Variants in GTF2H5 observed in about 807,000 individuals in gnomAD.
GTF2H5 encodes the protein general transcription factor IIH subunit 5, also known as TFB5 ortholog.
Under a neutral mutation model 7.1 loss-of-function variants are expected in GTF2H5, and 5 were observed. The observed-to-expected ratio is 0.71, with a 90% CI of 0.37 to 1.49. The LOEUF (loss-of-function observed/expected upper bound fraction) is 1.49, where lower values mean the gene tolerates loss of function less well. GTF2H5 is among the 40% of genes most tolerant of loss of function. GTF2H5 has a pLI of 0.03. For missense variants in GTF2H5, 80 were observed against 83.0 expected, an observed-to-expected ratio of 0.96 and a Z score of 0.14; for synonymous variants, 30 against 31.7, an observed-to-expected ratio of 0.95 and a Z score of 0.18.
rs1777135960 is a variant in GTF2H5, at chr6:158,197,820, T to C, written c.*5663T>C. On this transcript the variant is annotated 3_prime_UTR_variant, in exon 3 of 3. Coordinates refer to ENST00000607778, the MANE Select transcript of GTF2H5 (RefSeq NM_207118.3). ...CTGATTTGGCTCCTTCTGACTTCTT[T>C]TTGTTTCCCAATCTTAAAAAAATCC... is the stretch of plus-strand genomic sequence containing the variant. 1 of 152,140 alleles carries C rather than the reference T, an allele frequency of 6.6e-6. No individual in the cohort carries two copies. Among genetic ancestry groups the C allele is most frequent in the Non-Finnish European group, 1.5e-5 (1 of 68,020 alleles). The allele number at this position is 152,140 out of a possible 1,614,324, so 9.4% of individuals were successfully genotyped here.
rs1333980807 is a variant in GTF2H5, at chr6:158,169,638, C to CAT, written c.-34-827_-34-826dup. Among the ~76,000 whole-genome samples the CAT allele has an allele frequency of 2.4e-3, 105 of 44,482 alleles. 11 individuals carry two copies. Among genetic ancestry groups the CAT allele is most frequent in the African/African-American group, 0.012 (101 of 8,728 alleles). The allele number at this position is 44,482 out of a possible 152,430, so 29.2% of individuals were successfully genotyped here. ...ATTACATATAATATATTGTATATTA[C>CAT]ATATATTGTATATTACATATAATAT... On this transcript the variant is annotated intron_variant, in intron 1 of 2. Coordinates refer to ENST00000607778, the MANE Select transcript of GTF2H5 (RefSeq NM_207118.3).
At chr6:158,190,849 C>T (rs1777014856) in intron 2 of GTF2H5, 1 of 457,736 alleles carries the variant, frequency 2.2e-6, no homozygotes, top group Non-Finnish European at 4.3e-6. Context: ...TTTTGCTAAA[C>T]ACATTGTGTA....
intron 2 of GTF2H5, among the ~76,000 whole-genome samples, chr6:158,173,575 G>A (rs529498179): frequency 5.3e-5 from 8 of 152,232 alleles, no homozygotes; most frequent in African/African-American, 1.9e-4. Context: ...TAGGTGTATT[G>A]GAGTATGGAA....
rs1777096847 is a variant in GTF2H5 at position 158,195,741 on chromosome 6, T to C, written c.*3584T>C. The C allele has an allele frequency of 6.6e-6, 1 of 152,204 alleles. No homozygotes were observed. Among genetic ancestry groups the C allele is most frequent in the Non-Finnish European group, 1.5e-5 (1 of 68,042 alleles). The allele number at this position is 152,204 out of a possible 1,614,324, so 9.4% of individuals were successfully genotyped here. ...TTAGCTGACAACTAGGAGTAAAAGC[T>C]CTGACAAAAAGCCTCTGCTGTAACT... On this transcript the variant is annotated 3_prime_UTR_variant, in exon 3 of 3. Coordinates refer to ENST00000607778, the MANE Select transcript of GTF2H5 (RefSeq NM_207118.3).
rs1420179405 is a variant in GTF2H5 at position 158,169,529 on chromosome 6, AGTATATTATATATAATATACT to A, written c.-34-921_-34-901del. 5.2e-3 allele frequency among the ~76,000 whole-genome samples: 287 copies of A among 55,670 alleles called. 13 individuals are homozygous for A. Among genetic ancestry groups the A allele is most frequent in the African/African-American group, 0.027 (257 of 9,498 alleles). The allele number at this position is 55,670 out of a possible 152,430, so 36.5% of individuals were successfully genotyped here. A position where few individuals can be genotyped will look rare whatever the true frequency, so the allele number is the denominator to read the frequency against. On this transcript the variant is annotated intron_variant, in intron 1 of 2. Coordinates refer to ENST00000607778, the MANE Select transcript of GTF2H5 (RefSeq NM_207118.3). ...ATATTGTATATTATATATAATATAC[AGTATATTATATATAATATACT>A]GTATATTATATATAATATATTGTAT...
At position 158,179,832 on chromosome 6, in the gene GTF2H5, T is replaced by C. The variant is rs138992518; in HGVS notation, c.35+9294T>C. ...TTCCTATCTGAATACCCTTTATTGC[T>C]TTCTCTTGCCTGATTGCCCTGTCCA... On this transcript the variant is annotated intron_variant, in intron 2 of 2. Coordinates refer to ENST00000607778, the MANE Select transcript of GTF2H5 (RefSeq NM_207118.3). 6.6e-3 allele frequency among the ~76,000 whole-genome samples: 1,002 copies of C among 152,280 alleles called. 8 individuals are homozygous for C. Among genetic ancestry groups the C allele is most frequent in the South Asian group, 0.012 (57 of 4,820 alleles).
At chr6:158,179,083 C>T (rs1785971488) in intron 2 of GTF2H5, among the ~76,000 whole-genome samples, 1 of 152,176 alleles carries the variant, frequency 6.6e-6, no homozygotes, top group Non-Finnish European at 1.5e-5. Flanking sequence ...GTTTTCCCGA[C>T]ACCATTTATT....
chr6:158,178,456 CAAAAAAA>C (rs34745319), intron 2 of GTF2H5, among the ~76,000 whole-genome samples: 14 of 88,518 alleles, frequency 1.6e-4, no homozygotes, highest in African/African-American at 4.7e-4. Context: ...GACTCCATCT[CAAAAAAA>C]AAAAAAAAAA....
chr6:158,177,275 A>G (rs764341202), intron 2 of GTF2H5, among the ~76,000 whole-genome samples: 6 of 152,228 alleles, frequency 3.9e-5, no homozygotes, highest in South Asian at 2.1e-4. Context: ...TAGTCCATCA[A>G]CTTTGCAGTG....
At chr6:158,171,873 G>C (rs187747120) in intron 2 of GTF2H5, among the ~76,000 whole-genome samples, 5 of 152,126 alleles carry the variant, frequency 3.3e-5, no homozygotes, top group African/African-American at 4.8e-5. Context: ...AAAAGCAAAG[G>C]GGGTGGGATC....
intron 2 of GTF2H5, among the ~76,000 whole-genome samples, chr6:158,185,378 A>G (rs1438458695): frequency 2.0e-5 from 3 of 151,922 alleles, no homozygotes; most frequent in Non-Finnish European, 4.4e-5. Context: ...CATTTCTACA[A>G]AAAATACAAA....
At chr6:158,185,116 C>T (rs1215275829) in intron 2 of GTF2H5, among the ~76,000 whole-genome samples, 3 of 147,462 alleles carry the variant, frequency 2.0e-5, no homozygotes, top group African/African-American at 2.5e-5. Flanking sequence ...CTTTGTGTTT[C>T]ATGACAAAAT....
At chr6:158,188,003 G>A (rs1319754114) in intron 2 of GTF2H5, among the ~76,000 whole-genome samples, 1 of 152,216 alleles carries the variant, frequency 6.6e-6, no homozygotes, top group African/African-American at 2.4e-5. Flanking sequence ...CCTTAGCCAA[G>A]GGGAGGGTCC....
rs121434365 is a variant in GTF2H5 at position 158,192,003 on chromosome 6, T to A, written c.62T>A (p.Leu21Gln). Reference protein sequence around the residue: ...ECDPAMKQFLLYLDESNALGK... With the variant: ...ECDPAMKQFLQYLDESNALGK... ...GATCCTGCCATGAAGCAGTTTCTGCTGTACTTGGATGAGTCCAATGCCCTG... is the reference window on the plus strand; with the variant it reads ...GATCCTGCCATGAAGCAGTTTCTGCAGTACTTGGATGAGTCCAATGCCCTG... Residue 21 changes from leucine to glutamine, a missense_variant, in exon 3 of 3, where the codon CTG becomes CAG. Transcript: ENST00000607778. The A allele has an allele frequency of 6.2e-7, 1 of 1,614,168 alleles. No individual in the cohort carries two copies. Among genetic ancestry groups the A allele is most frequent in the South Asian group, 1.1e-5 (1 of 91,080 alleles).
In GTF2H5 at chr6:158,192,993, G is replaced by A. The variant is rs1053555849; in HGVS notation, c.*836G>A. The A allele has an allele frequency of 6.7e-6, 1 of 150,046 alleles. No homozygotes were observed. Among genetic ancestry groups the A allele is most frequent in the Non-Finnish European group, 1.5e-5 (1 of 67,778 alleles). 9.3% of individuals were successfully genotyped at this position (150,046 alleles called of 1,614,324 possible). A position where few individuals can be genotyped will look rare whatever the true frequency, so the allele number is the denominator to read the frequency against. On this transcript the variant is annotated 3_prime_UTR_variant, in exon 3 of 3. Transcript: ENST00000607778. ...CAAACTTATCTAAAAAAGAAAAATA[G>A]GAACAGCCATATGCAAAGTCAGCCC...
intron 2 of GTF2H5, among the ~76,000 whole-genome samples, chr6:158,184,564 T>C (rs975676207): frequency 2.4e-4 from 37 of 152,210 alleles, no homozygotes; most frequent in African/African-American, 7.7e-4. Context: ...CCTATAATGT[T>C]CTGGGCTCTA....
intron 2 of GTF2H5, among the ~76,000 whole-genome samples, chr6:158,179,592 G>A (rs181266584): frequency 2.6e-4 from 39 of 152,172 alleles, no homozygotes; most frequent in Middle Eastern, 6.8e-3. Flanking sequence ...ATTTTATTCT[G>A]TTAGTAGCAA....
intron 2 of GTF2H5, among the ~76,000 whole-genome samples, chr6:158,185,229 A>G (rs1017717933): frequency 6.6e-6 from 1 of 151,692 alleles, no homozygotes; most frequent in African/African-American, 2.4e-5. Flanking sequence ...TGAAAATTCA[A>G]TCTCAAATTG....
At chr6:158,186,067 T>G (rs1428888914) in intron 2 of GTF2H5, among the ~76,000 whole-genome samples, 1 of 152,232 alleles carries the variant, frequency 6.6e-6, no homozygotes, top group Non-Finnish European at 1.5e-5. Flanking sequence ...GAAACTGACA[T>G]ATCAAACTCT....
Sources: gnomAD v4.1 joint callset for allele counts (sites outside exome capture counted in the v4.1 genomes callset) on GRCh38, gnomAD v4.1.1 for gene constraint, MANE v1.5 for transcripts, NCBI Gene and HGNC (gene_info 2026-07-23, HGNC 2026-07-21) for gene names.